The following CAMTA1 variants were observed in gnomAD, a reference collection of about 807,000 sequenced individuals.
CAMTA1 encodes calmodulin-binding transcription activator 1.
Under a neutral mutation model 170.9 loss-of-function variants are expected in CAMTA1, and 27 were observed. The ratio of observed to expected loss-of-function variants is 0.16; its 90% CI spans 0.12 to 0.22. The LOEUF is 0.22. Among genes scored for constraint, CAMTA1 ranks in the 10% least tolerant of loss-of-function variants. The pLI is 1.00. For synonymous variants in CAMTA1, 833 were observed against 891.5 expected, an observed-to-expected ratio of 0.93 and a Z score of 1.17; for missense variants, 1,619 against 2,217.2, an observed-to-expected ratio of 0.73 and a Z score of 5.42.
chr1:7,702,711 A>G (rs2096454993), intron 11 of CAMTA1, among the ~76,000 whole-genome samples: 1 of 152,192 alleles, frequency 6.6e-6, no homozygotes, highest in Non-Finnish European at 1.5e-5. Context: ...TGTATGATGG[A>G]CATATGGAAA....
At chr1:7,305,605 A>G (rs1372734853) in intron 5 of CAMTA1, among the ~76,000 whole-genome samples, 1 of 152,000 alleles carries the variant, frequency 6.6e-6, no homozygotes, top group Non-Finnish European at 1.5e-5. Context: ...GCCGAGTAAT[A>G]CTCCATTGTA....
intron 5 of CAMTA1, among the ~76,000 whole-genome samples, chr1:7,346,206 G>A (rs1200265774): frequency 6.6e-6 from 1 of 152,134 alleles, no homozygotes; most frequent in Non-Finnish European, 1.5e-5. Context: ...GAAGAGAAAA[G>A]GACACTGGAA....
In CAMTA1 at chr1:7,638,803, G is replaced by C. The variant is rs952753368; in HGVS notation, c.511-1597G>C. Among the ~76,000 whole-genome samples, 3 of 152,094 alleles carry C rather than the reference G, an allele frequency of 2.0e-5. No homozygotes were observed. In the East Asian group the frequency reaches 5.8e-4, roughly 29 times the overall value. On this transcript the variant is annotated intron_variant, in intron 6 of 22. Transcript: ENST00000303635. ...GCCAGATAAGCAGCGCTGCCTTCTG[G>C]GGGGACCATGAGAAAGCCACCGAAG... is the stretch of plus-strand genomic sequence containing the variant.
intron 5 of CAMTA1, among the ~76,000 whole-genome samples, chr1:7,297,691 T>C (rs976117966): frequency 2.6e-5 from 4 of 152,226 alleles, no homozygotes; most frequent in African/African-American, 7.2e-5. Flanking sequence ...AGCCCCAAAC[T>C]CTTGATTTTT....
intron 4 of CAMTA1, among the ~76,000 whole-genome samples, chr1:7,101,911 A>G (rs567893071): frequency 6.6e-6 from 1 of 152,332 alleles, no homozygotes; most frequent in South Asian, 2.1e-4. Context: ...ACACAACTAC[A>G]CACATGTACA....
At chr1:7,103,547 C>A (rs1467788392) in intron 4 of CAMTA1, among the ~76,000 whole-genome samples, 5 of 62,210 alleles carry the variant, frequency 8.0e-5, no homozygotes, top group East Asian at 4.1e-4. Flanking sequence ...CACACATGTA[C>A]ACACTACACA....
chr1:7,083,890 C>T (rs1052284529), intron 3 of CAMTA1, among the ~76,000 whole-genome samples: 2 of 151,666 alleles, frequency 1.3e-5, no homozygotes, highest in African/African-American at 2.4e-5. Flanking sequence ...TTTTACTTCT[C>T]GTTTGGGAGT....
chr1:7,254,282 G>A (rs906890449), intron 5 of CAMTA1, among the ~76,000 whole-genome samples: 6 of 152,168 alleles, frequency 3.9e-5, no homozygotes, highest in Admixed American at 1.3e-4. Context: ...CTCTTAAGGC[G>A]TGACTTGCCA....
chr1:6,835,528 A>G (rs1319716622), intron 3 of CAMTA1, among the ~76,000 whole-genome samples: 1 of 152,230 alleles, frequency 6.6e-6, no homozygotes, highest in African/African-American at 2.4e-5. Flanking sequence ...GTTCAAACAC[A>G]GATTGCTGGG....
At chr1:7,706,565 C>G (rs557017198) in intron 11 of CAMTA1, among the ~76,000 whole-genome samples, 1 of 152,300 alleles carries the variant, frequency 6.6e-6, no homozygotes, top group Admixed American at 6.5e-5. Flanking sequence ...ATTCCAAGAC[C>G]AGAATTAGAC....
chr1:7,409,699 G>A lies in CAMTA1; in HGVS notation c.439-58131G>A, dbSNP rs1336577563. 2.6e-5 allele frequency among the ~76,000 whole-genome samples: 4 copies of A among 151,944 alleles called. No homozygotes were observed. The East Asian group carries it at 7.7e-4, about 29-fold the overall frequency. ...CTCAGAGAAGCTAATTCTGCCCAAG[G>A]CCACCAGCTCACACAGGACAAGAGA... On this transcript the variant is annotated intron_variant, in intron 5 of 22. Coordinates refer to ENST00000303635, the MANE Select transcript of CAMTA1 (RefSeq NM_015215.4).
chr1:7,593,489 CT>C (rs35614673), intron 6 of CAMTA1, among the ~76,000 whole-genome samples: 2,164 of 134,172 alleles, frequency 0.016, 22 homozygotes, highest in East Asian at 0.068. Flanking sequence ...AATCCTAGCA[CT>C]TTTTTTTTTT....
intron 3 of CAMTA1, among the ~76,000 whole-genome samples, chr1:6,898,864 A>C (rs1337473817): frequency 6.6e-6 from 1 of 152,156 alleles, no homozygotes; most frequent in Non-Finnish European, 1.5e-5. Flanking sequence ...GTAGCTGGCC[A>C]ACATGGGGCC....
chr1:7,489,256 G>T (rs921099153), intron 6 of CAMTA1, among the ~76,000 whole-genome samples: 1 of 152,226 alleles, frequency 6.6e-6, no homozygotes, highest in African/African-American at 2.4e-5. Context: ...TGCTGAAAAA[G>T]ATTCAACAAC....
Position 7,352,294 on chromosome 1 carries a change from T to C in CAMTA1, c.438+102668T>C, listed in dbSNP as rs147218062. On this transcript the variant is annotated intron_variant, in intron 5 of 22. Transcript: ENST00000303635. The stretch of plus-strand genomic sequence containing the variant: ...GGGAACCTGGGCTTCCTGGGTCCTT[T>C]CCAAAGGGGCGTCACTTTTGTCATC... Among the ~76,000 whole-genome samples the C allele has an allele frequency of 1.9e-3, 290 of 152,294 alleles. 1 individual carries two copies. The highest frequency in any genetic ancestry group is 6.4e-3 in the African/African-American group (268 of 41,570).
At chr1:7,027,530 C>T (rs1376839607) in intron 3 of CAMTA1, among the ~76,000 whole-genome samples, 1 of 152,170 alleles carries the variant, frequency 6.6e-6, no homozygotes, top group Non-Finnish European at 1.5e-5. Flanking sequence ...TCAGGGTACT[C>T]CATCAGCTTG....
chr1:7,289,677 T>C (rs1672840883), intron 5 of CAMTA1, among the ~76,000 whole-genome samples: 3 of 152,172 alleles, frequency 2.0e-5, no homozygotes, highest in African/African-American at 7.2e-5. Flanking sequence ...AGTGGGCCCT[T>C]ATCTAATGAC....
chr1:7,689,002 C>G (rs2096282166), intron 11 of CAMTA1, among the ~76,000 whole-genome samples: 1 of 152,154 alleles, frequency 6.6e-6, no homozygotes, highest in Non-Finnish European at 1.5e-5. Flanking sequence ...TGGCTCATGC[C>G]TGTAATCCCA....
At chr1:6,932,900 G>C (rs969262727) in intron 3 of CAMTA1, among the ~76,000 whole-genome samples, 1 of 152,066 alleles carries the variant, frequency 6.6e-6, no homozygotes, top group Non-Finnish European at 1.5e-5. Context: ...TTCTTTATCA[G>C]ATATATGCTT....
Sources: gnomAD v4.1 joint callset for allele counts (sites outside exome capture counted in the v4.1 genomes callset) on GRCh38, gnomAD v4.1.1 for gene constraint, MANE v1.5 for transcripts, NCBI Gene and HGNC (gene_info 2026-07-23, HGNC 2026-07-21) for gene names.